METTL25: variants seen among roughly 807,000 people sequenced by gnomAD.
METTL25 encodes methyltransferase like 25.
Under a neutral mutation model 71.6 loss-of-function variants are expected in METTL25, and 64 were observed. The ratio of observed to expected loss-of-function variants is 0.89; its 90% confidence interval spans 0.73 to 1.10. METTL25 has a LOEUF of 1.10. METTL25 is among the 50% of genes least tolerant of loss of function. The pLI, the probability that METTL25 is intolerant of heterozygous loss-of-function variation, is 0.00. For missense variants in METTL25, 807 were observed against 707.0 expected, an observed-to-expected ratio of 1.14 and a Z score of -1.60; for synonymous variants, 287 against 250.3, an observed-to-expected ratio of 1.15 and a Z score of -1.38.
intron 2 of METTL25, among the ~76,000 whole-genome samples, chr12:82,387,706 C>G (rs1007722558): frequency 3.9e-5 from 1 of 25,472 alleles, no homozygotes; most frequent in Non-Finnish European, 1.3e-4. Context: ...CTCTTCTACA[C>G]ACACACGCGC....
chr12:82,436,744 T>C (rs1309391449), intron 7 of METTL25, among the ~76,000 whole-genome samples: 2 of 151,612 alleles, frequency 1.3e-5, no homozygotes, highest in Non-Finnish European at 1.5e-5. Flanking sequence ...ATTTCAAAGT[T>C]ATCTTGATAC....
chr12:82,387,014 A>C lies in METTL25; in HGVS notation c.424+47A>C, dbSNP rs757943195. ...TATGTGTGCTTTTTAGGTACTTAGA[A>C]GCAATACTTTGTTCATATATGTGTA... On this transcript the variant is annotated intron_variant, in intron 2 of 11. Coordinates refer to ENST00000248306, the MANE Select transcript of METTL25 (RefSeq NM_032230.3). 7 of 1,484,232 alleles carry C rather than the reference A, an allele frequency of 4.7e-6. No homozygotes were observed. The South Asian group carries it at 8.6e-5, about 18-fold the overall frequency. The allele number at this position is 1,484,232 out of a possible 1,614,324, so 91.9% of individuals were successfully genotyped here. A position where few individuals can be genotyped will look rare whatever the true frequency, so the allele number is the denominator to read the frequency against.
At chr12:82,449,698 A>G (rs771585075) in intron 8 of METTL25, among the ~76,000 whole-genome samples, 4 of 152,072 alleles carry the variant, frequency 2.6e-5, no homozygotes, top group Non-Finnish European at 4.4e-5. Flanking sequence ...AATTAATTGT[A>G]TTTCTACTCC....
At chr12:82,368,859 C>A (rs1882874073) in intron 1 of METTL25, among the ~76,000 whole-genome samples, 1 of 152,134 alleles carries the variant, frequency 6.6e-6, no homozygotes, top group Non-Finnish European at 1.5e-5. Context: ...ATTCAACTTC[C>A]TACATGATCT....
chr12:82,386,072 T>A (rs1439390895), intron 1 of METTL25, among the ~76,000 whole-genome samples: 1 of 152,104 alleles, frequency 6.6e-6, no homozygotes, highest in African/African-American at 2.4e-5. Flanking sequence ...CTGCTGACAT[T>A]TACACACTAA....
At chr12:82,461,919 T>C (rs750454204) in intron 9 of METTL25, among the ~76,000 whole-genome samples, 14 of 152,222 alleles carry the variant, frequency 9.2e-5, no homozygotes, top group Non-Finnish European at 2.1e-4. Flanking sequence ...GCATGATTTC[T>C]TATATATTGT....
intron 8 of METTL25, among the ~76,000 whole-genome samples, chr12:82,454,964 G>A (rs1447357598): frequency 2.0e-5 from 3 of 151,844 alleles, no homozygotes; most frequent in Non-Finnish European, 4.4e-5. Flanking sequence ...ACTCTATGAA[G>A]TAAATGCTAT....
chr12:82,394,389 G>C (rs920193040), intron 3 of METTL25, among the ~76,000 whole-genome samples: 1 of 151,868 alleles, frequency 6.6e-6, no homozygotes, highest in Non-Finnish European at 1.5e-5. Context: ...TAACCTTATT[G>C]GTGACCATAG....
At chr12:82,435,131 A>G (rs2137166670) in intron 7 of METTL25, among the ~76,000 whole-genome samples, 1 of 151,586 alleles carries the variant, frequency 6.6e-6, no homozygotes, top group South Asian at 2.1e-4. Context: ...TACTGACTTG[A>G]TTAACCATTA....
At position 82,386,821 on chromosome 12, in the gene METTL25, A is replaced by C. The variant is rs371273827; in HGVS notation, c.278A>C (p.Lys93Thr). The C allele has an allele frequency of 1.2e-6, 2 of 1,612,938 alleles. No homozygotes were observed. The highest frequency in any genetic ancestry group is 1.7e-6 in the Non-Finnish European group (2 of 1,179,374). The change falls in exon 2 of 12, where the codon AAA becomes ACA. Residue 93 changes from lysine to threonine, a missense_variant. Physicochemically the swap from Lys to Thr is moderately conservative, Grantham distance 78. Coordinates refer to ENST00000248306, the MANE Select transcript of METTL25 (RefSeq NM_032230.3). The part of the protein sequence containing the change: ...EWEAGMTDFP[K>T]IFCETSQKLV... ...TTTTTAGGTATGACTGATTTTCCCA[A>C]AATATTTTGTGAAACTTCTCAGAAG...
rs748235085 is a variant in METTL25 at position 82,430,874 on chromosome 12, A to AT, written c.1280-14dup. 6 of 1,318,176 alleles carry AT rather than the reference A, an allele frequency of 4.6e-6. No individual in the cohort carries two copies. The highest frequency in any genetic ancestry group is 2.0e-5 in the Admixed American group (1 of 49,846). The allele number at this position is 1,318,176 out of a possible 1,614,324, so 81.7% of individuals were successfully genotyped here. On this transcript the variant is annotated intron_variant, in intron 5 of 11. Coordinates refer to ENST00000248306, the MANE Select transcript of METTL25 (RefSeq NM_032230.3). The stretch of plus-strand genomic sequence containing the variant: ...AAAGAATTTTATTTAAATAATCCGT[A>AT]TTTTTCCCCCATCTGCAGAACGTAC...
chr12:82,455,408 G>A (rs1378460565), intron 8 of METTL25, among the ~76,000 whole-genome samples: 1 of 151,754 alleles, frequency 6.6e-6, no homozygotes, highest in East Asian at 1.9e-4. Flanking sequence ...TCTGCCTTCT[G>A]GAACCTATAC....
At chr12:82,397,516 C>G (rs537327901) in intron 3 of METTL25, among the ~76,000 whole-genome samples, 1 of 151,916 alleles carries the variant, frequency 6.6e-6, no homozygotes, top group Non-Finnish European at 1.5e-5. Flanking sequence ...AAATGTTTGC[C>G]TATCCAAATG....
intron 9 of METTL25, chr12:82,468,643 T>C (rs1892386049): frequency 6.6e-6 from 1 of 152,188 alleles, no homozygotes; most frequent in African/African-American, 2.4e-5. Context: ...GATGAAATTG[T>C]CTGGATTAGT....
intron 8 of METTL25, among the ~76,000 whole-genome samples, chr12:82,443,005 A>G (rs893438698): frequency 6.6e-6 from 1 of 151,760 alleles, no homozygotes; most frequent in Non-Finnish European, 1.5e-5. Flanking sequence ...TGAGGGATCA[A>G]AAAACAAAAA....
chr12:82,448,082 C>G (rs1313975313), intron 8 of METTL25, among the ~76,000 whole-genome samples: 3 of 151,992 alleles, frequency 2.0e-5, no homozygotes, highest in African/African-American at 7.2e-5. Flanking sequence ...TTGCAAGGCT[C>G]TTTGTATTAG....
At chr12:82,371,505 C>T (rs1883229091) in intron 1 of METTL25, among the ~76,000 whole-genome samples, 1 of 152,186 alleles carries the variant, frequency 6.6e-6, no homozygotes, top group Non-Finnish European at 1.5e-5. Context: ...ATTTTCTGTC[C>T]TCTCTGAACC....
In METTL25 at chr12:82,398,881, A is replaced by T; in HGVS notation, c.618A>T (p.Ser206=). Reference sequence around the variant, plus strand: ...TAAAAGTTTATGGAATTGATTCTTCAAATACCAATACTCATGGAGCTGAGG... The same window carrying T: ...TAAAAGTTTATGGAATTGATTCTTCTAATACCAATACTCATGGAGCTGAGG... The part of the protein sequence containing the change: ...YGLKVYGIDS[S]NTNTHGAEER... The change falls in exon 4 of 12, where the codon TCA becomes TCT. Residue 206 remains serine, a synonymous_variant. Coordinates refer to ENST00000248306, the MANE Select transcript of METTL25 (RefSeq NM_032230.3). 6.2e-7 allele frequency: 1 copy of T among 1,607,112 alleles called. No homozygotes were observed. The highest frequency in any genetic ancestry group is 8.5e-7 in the Non-Finnish European group (1 of 1,178,056).
intron 11 of METTL25, 36 bp from the exon 12 acceptor site, chr12:82,478,896 A>G (rs776737394): frequency 8.4e-6 from 13 of 1,541,924 alleles, no homozygotes; most frequent in Non-Finnish European, 1.1e-5. Context: ...TTCTTCAACA[A>G]ATGGTTGTAT....
Sources: allele counts gnomAD v4.1 joint callset (sites outside exome capture counted in the v4.1 genomes callset), GRCh38; gene constraint gnomAD v4.1.1; transcripts MANE v1.5; gene names NCBI Gene and HGNC (gene_info 2026-07-23, HGNC 2026-07-21).